ADGRL2: variants seen among roughly 807,000 people sequenced by gnomAD.
The protein encoded by ADGRL2 is calcium-independent alpha-latrotoxin receptor 2.
A neutral mutation model predicts 157.4 loss-of-function variants in ADGRL2; 44 were observed. The observed-to-expected ratio is 0.28, with a 90% confidence interval of 0.22 to 0.36. ADGRL2 has a LOEUF of 0.36. Ranked by LOEUF, ADGRL2 falls within the 10% of genes least tolerant of loss-of-function variation. The pLI is 1.00. For synonymous variants in ADGRL2, 585 were observed against 624.7 expected (o/e 0.94, Z 0.95); for missense variants, 1,510 against 1,768.9 (o/e 0.85, Z 2.63).
chr1:81,845,441 T>A (rs2092750450), intron 2 of ADGRL2, among the ~76,000 whole-genome samples: 1 of 152,022 alleles, frequency 6.6e-6, no homozygotes, highest in African/African-American at 2.4e-5. Context: ...TGTGCACACA[T>A]TGATGACCAG....
intron 2 of ADGRL2, among the ~76,000 whole-genome samples, chr1:81,540,243 T>C (rs949332688): frequency 4.6e-5 from 7 of 152,234 alleles, no homozygotes; most frequent in African/African-American, 1.4e-4. Flanking sequence ...TTGTAGGTGA[T>C]TGATTTTTCA....
chr1:81,873,186 G>A (rs2093743189), intron 2 of ADGRL2, among the ~76,000 whole-genome samples: 1 of 152,046 alleles, frequency 6.6e-6, no homozygotes, highest in Non-Finnish European at 1.5e-5. Flanking sequence ...ATGTAAAAGA[G>A]TTTTGGTGAT....
At chr1:81,351,681 T>C (rs1662901922) in intron 1 of ADGRL2, among the ~76,000 whole-genome samples, 2 of 152,218 alleles carry the variant, frequency 1.3e-5, no homozygotes, top group Admixed American at 1.3e-4. Flanking sequence ...GAATCCTAGA[T>C]GGAAGGTGCT....
At chr1:81,440,272 G>C (rs1195448071) in intron 1 of ADGRL2, among the ~76,000 whole-genome samples, 1 of 152,110 alleles carries the variant, frequency 6.6e-6, no homozygotes, top group Admixed American at 6.5e-5. Context: ...GGGTTTCACC[G>C]GGTACCCACC....
intron 2 of ADGRL2, among the ~76,000 whole-genome samples, chr1:81,787,152 T>C (rs761204513): frequency 6.6e-6 from 1 of 152,192 alleles, no homozygotes; most frequent in African/African-American, 2.4e-5. Flanking sequence ...TCCCCCGCCA[T>C]GTGGAACTGT....
intron 3 of ADGRL2, among the ~76,000 whole-genome samples, chr1:81,687,989 A>T (rs958035593): frequency 6.6e-6 from 1 of 152,188 alleles, no homozygotes; most frequent in Non-Finnish European, 1.5e-5. Context: ...GAGGCTGAAG[A>T]TAGGGCCCCC....
At chr1:81,557,507 A>AAGAAAGAAAG (rs2080331568) in intron 2 of ADGRL2, 4 of 100,272 alleles carry the variant, frequency 4.0e-5, no homozygotes, top group African/African-American at 1.6e-4. Flanking sequence ...GAAAGAAAGA[A>AAGAAAGAAAG]AGAAAGAAAG....
intron 2 of ADGRL2, among the ~76,000 whole-genome samples, chr1:81,790,677 C>A (rs1483394271): frequency 2.0e-5 from 3 of 152,100 alleles, no homozygotes; most frequent in African/African-American, 7.2e-5. Flanking sequence ...TCATTTATTC[C>A]AGAAATACTT....
At chr1:81,422,387 G>A (rs2101552642) in intron 1 of ADGRL2, among the ~76,000 whole-genome samples, 1 of 152,290 alleles carries the variant, frequency 6.6e-6, no homozygotes, top group South Asian at 2.1e-4. Context: ...TGGGATTACA[G>A]GCACATGCCA....
chr1:81,650,055 T>TAAAAAAAAAAA (rs56088299), intron 3 of ADGRL2, among the ~76,000 whole-genome samples: 1 of 143,388 alleles, frequency 7.0e-6, no homozygotes. Flanking sequence ...CACCTATTCT[T>TAAAAAAAAAAA]AAAAAAAAAA....
At chr1:81,935,964 C>A (rs1351270964) in intron 3 of ADGRL2, among the ~76,000 whole-genome samples, 1 of 151,746 alleles carries the variant, frequency 6.6e-6, no homozygotes, top group African/African-American at 2.4e-5. Flanking sequence ...GTACAACATT[C>A]TTTTTAATGT....
At chr1:81,752,183 G>A (rs965604215) in intron 1 of ADGRL2, among the ~76,000 whole-genome samples, 1 of 152,162 alleles carries the variant, frequency 6.6e-6, no homozygotes, top group African/African-American at 2.4e-5. Flanking sequence ...CCACCATGTG[G>A]CATTAAAGTG....
chr1:81,392,746 G>C (rs1349857192), intron 1 of ADGRL2, among the ~76,000 whole-genome samples: 1 of 151,894 alleles, frequency 6.6e-6, no homozygotes, highest in African/African-American at 2.4e-5. Context: ...CTTTTTATTA[G>C]TTCAGCCTCT....
intron 1 of ADGRL2, among the ~76,000 whole-genome samples, chr1:81,728,476 C>T (rs1029775226): frequency 2.0e-5 from 3 of 152,136 alleles, no homozygotes; most frequent in Non-Finnish European, 4.4e-5. Flanking sequence ...CTGTGATGAC[C>T]CTGCCTAATA....
intron 1 of ADGRL2, among the ~76,000 whole-genome samples, chr1:81,729,283 A>G (rs963666008): frequency 8.6e-5 from 13 of 152,030 alleles, no homozygotes; most frequent in Non-Finnish European, 1.8e-4. Context: ...TGTCCCTGTC[A>G]GAGATCTTTG....
chr1:81,436,435 A>G (rs1294122214), intron 1 of ADGRL2, among the ~76,000 whole-genome samples: 1 of 152,008 alleles, frequency 6.6e-6, no homozygotes, highest in African/African-American at 2.4e-5. Context: ...TCCTTCTTTC[A>G]TTTGAACTAT....
At chr1:81,495,778 C>T (rs759693667) in intron 2 of ADGRL2, among the ~76,000 whole-genome samples, 4 of 152,088 alleles carry the variant, frequency 2.6e-5, no homozygotes, top group South Asian at 2.1e-4. Context: ...TAACTAAATG[C>T]GGTGCAAGAA....
intron 1 of ADGRL2, among the ~76,000 whole-genome samples, chr1:81,701,388 T>C (rs1242716592): frequency 2.0e-5 from 3 of 152,182 alleles, no homozygotes; most frequent in East Asian, 3.8e-4. Context: ...TTAAATCCCA[T>C]GGAGGAACAA....
chr1:81,378,422 G>A (rs573688167), intron 1 of ADGRL2, among the ~76,000 whole-genome samples: 8 of 151,820 alleles, frequency 5.3e-5, no homozygotes, highest in African/African-American at 1.2e-4. Flanking sequence ...TTAGCTGGGC[G>A]TGGCTTTGTG....
Sources: gnomAD v4.1 joint callset for allele counts (sites outside exome capture counted in the v4.1 genomes callset) on GRCh38, gnomAD v4.1.1 for gene constraint, MANE v1.5 for transcripts, NCBI Gene and HGNC (gene_info 2026-07-23, HGNC 2026-07-21) for gene names.